The following OVCH2 variants were observed in gnomAD, a reference collection of about 807,000 sequenced individuals.
The protein encoded by OVCH2 is ovochymase 2.
A neutral mutation model predicts 73.7 loss-of-function variants in OVCH2; 88 were observed. The observed-to-expected ratio is 1.19, with a 90% CI of 1.01 to 1.43. The LOEUF (loss-of-function observed/expected upper bound fraction) is 1.43, where lower values mean the gene tolerates loss of function less well. OVCH2 is among the 40% of genes most tolerant of loss of function. OVCH2 has a pLI of 0.00. For synonymous variants in OVCH2, 265 were observed against 234.5 expected (o/e 1.13, Z -1.19); for missense variants, 706 against 674.5 (o/e 1.05, Z -0.52).
chr11:7,691,999 A>T lies in OVCH2; in HGVS notation c.1414-4T>A. 6.4e-7 allele frequency: 1 copy of T among 1,554,830 alleles called. No individual in the cohort carries two copies. The highest frequency in any genetic ancestry group is 8.7e-7 in the Non-Finnish European group (1 of 1,146,482). On this transcript the variant is annotated splice_polypyrimidine_tract_variant and splice_region_variant and intron_variant, in intron 12 of 15. Transcript: ENST00000533663. ...TTTCCAGACTCTGAAATGAAAGCTGAGAAGACACGAAGTTACATCCAGAGT... is the reference window on the plus strand; with the variant it reads ...TTTCCAGACTCTGAAATGAAAGCTGTGAAGACACGAAGTTACATCCAGAGT...
the OVCH2 span, among the ~76,000 whole-genome samples, chr11:7,679,618 G>T: frequency 2.0e-5 from 3 of 152,170 alleles, no homozygotes; most frequent in African/African-American, 4.8e-5. Context: ...TGACATGATT[G>T]TAAGTTTCCT....
intron 2 of OVCH2, 76 bp downstream of exon 2, chr11:7,704,489 T>TA: frequency 3.7e-6 from 4 of 1,069,190 alleles, no homozygotes; most frequent in Non-Finnish European, 5.4e-6. Context: ...CTCAAAGATA[T>TA]AAACTTAACC....
chr11:7,684,502 ACATATGTGTG>A (rs1389180361), downstream of OVCH2, among the ~76,000 whole-genome samples: 35 of 104,334 alleles, frequency 3.4e-4, 1 homozygote, highest in South Asian at 9.3e-3. Flanking sequence ...ACACATACAT[ACATATGTGTG>A]TGTGTGTGTG....
chr11:7,698,052 G>A (rs2136157450), intron 8 of OVCH2, among the ~76,000 whole-genome samples: 1 of 152,174 alleles, frequency 6.6e-6, no homozygotes, highest in Non-Finnish European at 1.5e-5. Context: ...CCTTTAATAA[G>A]GATGATTCCT....
Position 7,691,284 on chromosome 11 carries a change from A to T in OVCH2, c.1624T>A (p.Phe542Ile), listed in dbSNP as rs1268208412. ...TCRGFQATVSFIPKAVYPDLN... is the reference protein window; with the variant it reads ...TCRGFQATVSIIPKAVYPDLN... ...ATCTTCTTACCTGCTTTAGGAATGA[A>T]GGAGACTGTAGCCTGAAAGCCCCTG... Residue 542 changes from phenylalanine to isoleucine, a missense_variant, in exon 14 of 16, where the codon TTC (phenylalanine) becomes ATC (isoleucine). By Grantham distance (21) the Phe-to-Ile change is conservative. Transcript: ENST00000533663. 5.0e-6 allele frequency: 8 copies of T among 1,612,398 alleles called. No individual in the cohort carries two copies. Among genetic ancestry groups the T allele is most frequent in the Non-Finnish European group, 6.8e-6 (8 of 1,179,318 alleles).
At chr11:7,704,526 T>C in intron 2 of OVCH2, 39 bp downstream of exon 2, 1 of 1,367,758 alleles carries the variant, frequency 7.3e-7, no homozygotes, top group Non-Finnish European at 1.0e-6. Flanking sequence ...CCATAATATC[T>C]AGCACAGTTC....
the OVCH2 span, among the ~76,000 whole-genome samples, chr11:7,681,870 AAAG>A: frequency 6.6e-6 from 1 of 151,696 alleles, no homozygotes; most frequent in Non-Finnish European, 1.5e-5. Flanking sequence ...AAAAAAAAAA[AAAG>A]AAAAATGAAG....
the OVCH2 span, among the ~76,000 whole-genome samples, chr11:7,678,786 A>G: frequency 3.9e-5 from 6 of 152,202 alleles, no homozygotes; most frequent in Admixed American, 3.3e-4. Flanking sequence ...GGACTGCTAG[A>G]AGGGAGAGGA....
In OVCH2 at chr11:7,691,916, C is replaced by T. The variant is rs377751261; in HGVS notation, c.1493G>A (p.Arg498Lys). The T allele has an allele frequency of 6.4e-7, 1 of 1,568,684 alleles. No homozygotes were observed. Among genetic ancestry groups the T allele is most frequent in the Admixed American group, 1.9e-5 (1 of 53,678 alleles). Residue 498 changes from arginine (R) to lysine (K), a missense_variant, in exon 13 of 16, where the codon AGG becomes AAG. Transcript: ENST00000533663. ...AGGACACAAACCTATTTCCTTCTTC[C>T]TTTCTACATCGCTGTGCACTGTCAC... is the stretch of plus-strand genomic sequence containing the variant. ...DYVTVHSDVE[R>K]KKEIARLCGY...
rs765472882 is a variant in OVCH2 at position 7,701,727 on chromosome 11, C to T, written c.548G>A (p.Arg183His). 58 of 1,611,026 alleles carry T rather than the reference C, an allele frequency of 3.6e-5. No homozygotes were observed. In the Admixed American group the frequency reaches 3.7e-4, roughly 10 times the overall value. Residue 183 changes from arginine (R) to histidine (H), a missense_variant, in exon 5 of 16, where the codon CGC (arginine) becomes CAC (histidine). Arg to His is a conservative substitution (Grantham distance 29). Coordinates refer to ENST00000533663, the MANE Select transcript of OVCH2 (RefSeq NM_198185.7). Reference sequence around the variant, plus strand: ...ACACAAGTTCTTACCTTCAGTTAAGCGGCCCCAGCCTGCAGTTGTACAAAT... The same window carrying T: ...ACACAAGTTCTTACCTTCAGTTAAGTGGCCCCAGCCTGCAGTTGTACAAAT... ...GFICTTAGWG[R>H]LTEGGVLSQV... is the part of the protein sequence containing the mutation.
chr11:7,687,045 C>T (rs576941472), downstream of OVCH2, among the ~76,000 whole-genome samples: 1 of 152,138 alleles, frequency 6.6e-6, no homozygotes, highest in Non-Finnish European at 1.5e-5. Context: ...GGATTCTAAG[C>T]TGCTATAGTT....
In OVCH2 at chr11:7,700,411, A is replaced by AC. The variant is rs1450166526; in HGVS notation, c.785dup (p.Leu263PhefsTer15). ...TTCTCCAGCCTCGACCACAGCCCAA[A>AC]CCCCAGGAAGTCACACCAGCCAGAG... is the stretch of plus-strand genomic sequence containing the variant. On this transcript the variant is annotated frameshift_variant, in exon 7 of 16. Coordinates refer to ENST00000533663, the MANE Select transcript of OVCH2 (RefSeq NM_198185.7). LOFTEE classifies it high-confidence loss of function. The AC allele has an allele frequency of 6.2e-7, 1 of 1,611,642 alleles. No individual in the cohort carries two copies. The highest frequency in any genetic ancestry group is 1.7e-5 in the Admixed American group (1 of 59,672).
At position 7,692,078 on chromosome 11, in the gene OVCH2, T is replaced by C. The variant is rs569769765; in HGVS notation, c.1414-83A>G. ...GATTCAGCAGAGAAATTTGGATTGC[T>C]CAACTTGTTCTGGAGTAAGACCTTA... is the stretch of plus-strand genomic sequence containing the variant. On this transcript the variant is annotated intron_variant, in intron 12 of 15. Coordinates refer to ENST00000533663, the MANE Select transcript of OVCH2 (RefSeq NM_198185.7). 22 of 990,436 alleles carry C rather than the reference T, an allele frequency of 2.2e-5. No individual in the cohort carries two copies. In the East Asian group the frequency reaches 5.5e-4, roughly 25 times the overall value. 61.4% of individuals were successfully genotyped at this position (990,436 alleles called of 1,614,324 possible). A position where few individuals can be genotyped will look rare whatever the true frequency, so the allele number is the denominator to read the frequency against.
At position 7,706,140 on chromosome 11, in the gene OVCH2, G is replaced by A. The variant is rs1223588253; in HGVS notation, c.88+167C>T. On this transcript the variant is annotated intron_variant, in intron 1 of 15. Transcript: ENST00000533663. ...ATAAATGTTTCACCCTGTGTCCTAT[G>A]CCGATTGCAGGAGATAAGTCCAAAA... The A allele has an allele frequency of 2.2e-5, 14 of 641,174 alleles. No homozygotes were observed. The South Asian group carries it at 2.4e-4, about 11-fold the overall frequency. 39.7% of individuals were successfully genotyped at this position (641,174 alleles called of 1,614,324 possible). A position where few individuals can be genotyped will look rare whatever the true frequency, so the allele number is the denominator to read the frequency against.
In OVCH2 at chr11:7,695,656, A is replaced by G; in HGVS notation, c.1196T>C (p.Leu399Pro). 6.2e-7 allele frequency: 1 copy of G among 1,613,730 alleles called. No individual in the cohort carries two copies. The highest frequency in any genetic ancestry group is 1.7e-4 in the Middle Eastern group (1 of 6,060). Residue 399 changes from leucine to proline, a missense_variant, in exon 11 of 16, where the codon CTA becomes CCA. Leu to Pro is a moderately conservative substitution (Grantham distance 98). Coordinates refer to ENST00000533663, the MANE Select transcript of OVCH2 (RefSeq NM_198185.7). ...GGCATCAGAGACGAATTTCAGCCTT[A>G]GAGAATTAGAGCCAATAAGAATGGA... ...PSSILIGSNS[L>P]RLKFVSDATD...
At chr11:7,692,989 A>G (rs568384434) in intron 12 of OVCH2, among the ~76,000 whole-genome samples, 1 of 152,284 alleles carries the variant, frequency 6.6e-6, no homozygotes. Context: ...CATTCCCTGC[A>G]TGGGGCACTT....
At chr11:7,690,226 T>C (rs1051498732) in intron 14 of OVCH2, among the ~76,000 whole-genome samples, 1 of 152,150 alleles carries the variant, frequency 6.6e-6, no homozygotes, top group Non-Finnish European at 1.5e-5. Context: ...ATGAACAACT[T>C]GGAAAGCAGA....
intron 8 of OVCH2, among the ~76,000 whole-genome samples, chr11:7,698,475 G>A (rs149757136): frequency 2.1e-4 from 32 of 152,222 alleles, no homozygotes; most frequent in African/African-American, 5.8e-4. Context: ...TGACCACATC[G>A]GCACTGCCTT....
At chr11:7,701,171 A>C (rs892645744) in intron 6 of OVCH2, among the ~76,000 whole-genome samples, 153 bp downstream of exon 6, 8 of 152,132 alleles carry the variant, frequency 5.3e-5, no homozygotes, top group Middle Eastern at 3.4e-3. Flanking sequence ...TAACTATTTG[A>C]CCCTTATAGC....
Sources: allele counts gnomAD v4.1 joint callset (sites outside exome capture counted in the v4.1 genomes callset), GRCh38; gene constraint gnomAD v4.1.1; transcripts MANE v1.5; gene names NCBI Gene and HGNC (gene_info 2026-07-23, HGNC 2026-07-21).